LY75: variants seen among roughly 807,000 people sequenced by gnomAD.
The protein encoded by LY75 is C-type lectin domain family 13 member B.
LY75 carries 185 observed loss-of-function variants against 231.7 expected under a neutral mutation model. That is an observed-to-expected ratio of 0.80 (90% confidence interval 0.71 to 0.90). The LOEUF is 0.90. Among genes scored for constraint, LY75 ranks in the 40% least tolerant of loss-of-function variants. The pLI is 0.00. For synonymous variants in LY75, 668 were observed against 689.0 expected, an observed-to-expected ratio of 0.97 and a Z score of 0.48; for missense variants, 1,947 against 2,050.2, an observed-to-expected ratio of 0.95 and a Z score of 0.97.
intron 4 of LY75, among the ~76,000 whole-genome samples, 187 bp downstream of exon 4, chr2:159,890,026 A>G (rs181016500): frequency 2.6e-5 from 4 of 152,310 alleles, no homozygotes; most frequent in Admixed American, 6.5e-5. Context: ...CACAAGATAC[A>G]TTTCTCAATG....
In LY75 at chr2:159,872,498, A is replaced by G. The variant is rs766875248; in HGVS notation, c.2070T>C (p.His690=). ...GAAGAAATTCCTTTATTTCATCCAC[A>G]TGGCTGAAGCTAGAAAGGTGTGCTC... ...ALGAHLSSFS[H]VDEIKEFLHF... The change falls in exon 13 of 35, where the codon CAT becomes CAC. Residue 690 remains histidine (H), a synonymous_variant. Coordinates refer to ENST00000263636, the MANE Select transcript of LY75 (RefSeq NM_002349.4). 2.5e-6 allele frequency: 4 copies of G among 1,613,990 alleles called. No individual in the cohort carries two copies. Among genetic ancestry groups the G allele is most frequent in the Non-Finnish European group, 1.7e-6 (2 of 1,179,924 alleles).
At chr2:159,821,935 G>A (rs951236050) in intron 28 of LY75, among the ~76,000 whole-genome samples, 3 of 152,192 alleles carry the variant, frequency 2.0e-5, no homozygotes, top group Non-Finnish European at 4.4e-5. Flanking sequence ...AATGCAAGGG[G>A]TCGGGGAATT....
chr2:159,834,149 T>G lies in LY75; in HGVS notation c.3736A>C (p.Thr1246Pro), dbSNP rs767145037. 2.5e-6 allele frequency: 4 copies of G among 1,614,020 alleles called. No individual in the cohort carries two copies. The Admixed American group carries it at 6.7e-5, about 27-fold the overall frequency. The change falls in exon 27 of 35, where the codon ACT becomes CCT. Residue 1246 changes from threonine to proline, a missense_variant. By Grantham distance (38) the Thr-to-Pro change is conservative (BLOSUM62 -1). Coordinates refer to ENST00000263636, the MANE Select transcript of LY75 (RefSeq NM_002349.4). ...CAGTTCTGAAATGGTATCCACGGAG[T>G]ATTTAGAACAGGAGATGGACATTTA... is the stretch of plus-strand genomic sequence containing the variant. ...SVKCPSPVLNTPWIPFQNCCY... is the reference protein window; with the variant it reads ...SVKCPSPVLNPPWIPFQNCCY...
chr2:159,902,681 G>A (rs1686115440), intron 1 of LY75: 1 of 152,262 alleles, frequency 6.6e-6, no homozygotes, highest in South Asian at 2.1e-4. Flanking sequence ...GGTGCAGCAA[G>A]AGAGAATCAG....
intron 24 of LY75, among the ~76,000 whole-genome samples, chr2:159,842,038 A>T (rs529668615): frequency 0.047 from 7,120 of 151,820 alleles, 508 homozygotes; most frequent in African/African-American, 0.15. Flanking sequence ...GTATTAAAAA[A>T]TTTTTTCGGC....
chr2:159,852,159 G>A (rs1684417957), intron 21 of LY75, 42 bp downstream of exon 21: 1 of 1,603,700 alleles, frequency 6.2e-7, no homozygotes, highest in African/African-American at 1.3e-5. Context: ...AAACCAGCAT[G>A]GAAGCAATCA....
intron 4 of LY75, among the ~76,000 whole-genome samples, chr2:159,887,566 CAAAAAA>C (rs369452762): frequency 2.7e-4 from 28 of 103,834 alleles, no homozygotes; most frequent in African/African-American, 1.2e-3. Context: ...TCAACAACAA[CAAAAAA>C]AAAAAAAAAA....
intron 13 of LY75, among the ~76,000 whole-genome samples, chr2:159,870,285 AC>A (rs1684971735): frequency 6.6e-6 from 1 of 152,064 alleles, no homozygotes; most frequent in Non-Finnish European, 1.5e-5. Context: ...ACCCGTTTCT[AC>A]AAAAAAATAC....
chr2:159,832,347 C>A (rs1176192938), intron 27 of LY75, among the ~76,000 whole-genome samples: 2 of 152,136 alleles, frequency 1.3e-5, no homozygotes, highest in African/African-American at 4.8e-5. Flanking sequence ...GAGTGCAAAC[C>A]CTCTTGTGAA....
intron 14 of LY75, among the ~76,000 whole-genome samples, chr2:159,863,007 T>C (rs1011082086): frequency 6.6e-6 from 1 of 151,184 alleles, no homozygotes; most frequent in South Asian, 2.1e-4. Flanking sequence ...TTTAGCTCTA[T>C]GAGATCCTTT....
At position 159,817,820 on chromosome 2, in the gene LY75, G is replaced by T. The variant is rs1182055977; in HGVS notation, c.4154-788C>A. On this transcript the variant is annotated intron_variant, in intron 29 of 34. Coordinates refer to ENST00000263636, the MANE Select transcript of LY75 (RefSeq NM_002349.4). ...CCCAGCATTTTGGGAGGCCAAGGCG[G>T]GGGGATCACCTGAGGTCAGGAGTTC... 1.3e-3 allele frequency among the ~76,000 whole-genome samples: 203 copies of T among 152,212 alleles called. 1 individual carries two copies. Among genetic ancestry groups the T allele is most frequent in the Non-Finnish European group, 3.5e-4 (24 of 68,012 alleles).
Position 159,878,305 on chromosome 2 carries a change from C to A in LY75, c.1774+19G>T. On this transcript the variant is annotated intron_variant, in intron 11 of 34. Coordinates refer to ENST00000263636, the MANE Select transcript of LY75 (RefSeq NM_002349.4). ...CACTAGTCACAGTATACTACTACTT[C>A]AAAGATTAAGACACTCACCTGGCTC... 3 of 1,611,122 alleles carry A rather than the reference C, an allele frequency of 1.9e-6. No individual in the cohort carries two copies. The highest frequency in any genetic ancestry group is 2.5e-6 in the Non-Finnish European group (3 of 1,178,766).
chr2:159,804,734 T>C lies in LY75; in HGVS notation c.*310A>G, dbSNP rs1682745164. The C allele has an allele frequency of 6.2e-6, 1 of 161,792 alleles. No individual in the cohort carries two copies. Among genetic ancestry groups the C allele is most frequent in the Admixed American group, 6.4e-5 (1 of 15,738 alleles). The allele number at this position is 161,792 out of a possible 1,614,324, so 10.0% of individuals were successfully genotyped here. On this transcript the variant is annotated 3_prime_UTR_variant, in exon 35 of 35. Coordinates refer to ENST00000263636, the MANE Select transcript of LY75 (RefSeq NM_002349.4). ...TTCTAAGAAGTTTTGTTAAAAATTC[T>C]ATTAAAATATACATATCCTAGTTAC...
Position 159,904,704 on chromosome 2 carries a change from C to T in LY75, c.-22G>A, listed in dbSNP as rs372654956. Reference sequence around the variant, plus strand: ...TCATCCTGAGCTGGCGCAAGCCTTCCGGCCGGGTCCTCGGGCGCACGCGGC... The same window carrying T: ...TCATCCTGAGCTGGCGCAAGCCTTCTGGCCGGGTCCTCGGGCGCACGCGGC... On this transcript the variant is annotated 5_prime_UTR_variant, in exon 1 of 35. Transcript: ENST00000263636. 1.4e-6 allele frequency: 2 copies of T among 1,407,970 alleles called. No individual in the cohort carries two copies. 87.2% of individuals were successfully genotyped at this position (1,407,970 alleles called of 1,614,324 possible).
At chr2:159,903,252 CTGAAATTT>C (rs915113746) in intron 1 of LY75, 7 of 152,148 alleles carry the variant, frequency 4.6e-5, no homozygotes, top group African/African-American at 7.2e-5. Context: ...TAGGGAAATC[CTGAAATTT>C]GTGAAGGAGA....
chr2:159,840,937 G>A lies in LY75; in HGVS notation c.3299C>T (p.Thr1100Met), dbSNP rs559764685. The A allele has an allele frequency of 1.3e-5, 21 of 1,613,682 alleles. No homozygotes were observed. Among genetic ancestry groups the A allele is most frequent in the Middle Eastern group, 1.7e-4 (1 of 6,056 alleles). Residue 1100 changes from threonine to methionine, a missense_variant, in exon 25 of 35, where the codon ACG (threonine) becomes ATG (methionine). By Grantham distance (81) the Thr-to-Met change is moderately conservative (BLOSUM62 -1). Transcript: ENST00000263636. ...TACAGTTTCTGAAGCATTCTGCAAC[G>A]TCTGTCTGCTTTTAACTTCTGCATG... ...QKYSEVKSRQ[T>M]LQNASETVKY...
At position 159,804,770 on chromosome 2, in the gene LY75, C is replaced by T; in HGVS notation, c.*274G>A. 4.8e-6 allele frequency: 1 copy of T among 206,488 alleles called. No homozygotes were observed. Among genetic ancestry groups the T allele is most frequent in the Non-Finnish European group, 9.9e-6 (1 of 101,340 alleles). 12.8% of individuals were successfully genotyped at this position (206,488 alleles called of 1,614,324 possible). On this transcript the variant is annotated 3_prime_UTR_variant, in exon 35 of 35. Transcript: ENST00000263636. ...ACATATCCTAGTTACCAATCACATT[C>T]ATACAGAGAAAATGAACATTAAACA...
intron 12 of LY75, among the ~76,000 whole-genome samples, chr2:159,873,881 A>T (rs2125868979): frequency 9.3e-6 from 1 of 107,588 alleles, no homozygotes; most frequent in Non-Finnish European, 2.0e-5. Flanking sequence ...ATACATATAA[A>T]CGTATATATT....
chr2:159,900,846 C>CTT (rs890000880), intron 1 of LY75, among the ~76,000 whole-genome samples: 1 of 149,846 alleles, frequency 6.7e-6, no homozygotes, highest in Non-Finnish European at 1.5e-5. Context: ...ATCCTTCACA[C>CTT]TTTTTTTTTT....
Sources: allele counts gnomAD v4.1 joint callset (sites outside exome capture counted in the v4.1 genomes callset), GRCh38; gene constraint gnomAD v4.1.1; transcripts MANE v1.5; gene names NCBI Gene and HGNC (gene_info 2026-07-23, HGNC 2026-07-21).